PCDHGA7: variants seen among roughly 807,000 people sequenced by gnomAD.
PCDHGA7 encodes protocadherin gamma subfamily A, 7.
A neutral mutation model predicts 58.3 loss-of-function variants in PCDHGA7; 44 were observed. The ratio of observed to expected loss-of-function variants is 0.75; its 90% confidence interval spans 0.59 to 0.97. The LOEUF (loss-of-function observed/expected upper bound fraction) is 0.97. Ranked by LOEUF, PCDHGA7 falls within the 50% of genes least tolerant of loss-of-function variation. The pLI is 0.00. For synonymous variants in PCDHGA7, 516 were observed against 504.2 expected (o/e 1.02, Z -0.31); for missense variants, 1,266 against 1,188.7 (o/e 1.06, Z -0.96).
Position 141,477,283 on chromosome 5 carries a change from C to T in PCDHGA7, c.2425-17524C>T, listed in dbSNP as rs766672047. The T allele has an allele frequency of 9.3e-6, 15 of 1,614,076 alleles. No homozygotes were observed. The highest frequency in any genetic ancestry group is 2.7e-5 in the African/African-American group (2 of 74,924). On this transcript the variant is annotated intron_variant, in intron 1 of 3. Coordinates refer to ENST00000518325, the MANE Select transcript of PCDHGA7 (RefSeq NM_018920.4). The surrounding 1 kb of genome is among the most constrained non-coding windows in gnomAD (Gnocchi z 4.9). ...CTGGCGAGAACGGGCTGGTGACCTG[C>T]GAAGTTCCACCGGGTCTCCCTTTCA... is the stretch of plus-strand genomic sequence containing the variant.
At chr5:141,388,824 T>G (rs760173455) in intron 1 of PCDHGA7, 1 of 1,613,960 alleles carries the variant, frequency 6.2e-7, no homozygotes, top group East Asian at 2.2e-5. Flanking sequence ...CAAAGAATAT[T>G]CCATAGTTTT....
At chr5:141,413,550 A>C (rs2095653911) in intron 1 of PCDHGA7, 1 of 1,613,974 alleles carries the variant, frequency 6.2e-7, no homozygotes, top group Non-Finnish European at 8.5e-7. Context: ...GGATAGAAAT[A>C]GAAGTAACTG....
chr5:141,409,130 G>A, intron 1 of PCDHGA7: 1 of 1,613,994 alleles, frequency 6.2e-7, no homozygotes, highest in South Asian at 1.1e-5. Context: ...ATTTGATTTT[G>A]AAGATGTAGA....
chr5:141,388,477 C>A (rs371333912), intron 1 of PCDHGA7: 34 of 1,613,702 alleles, frequency 2.1e-5, no homozygotes, highest in Non-Finnish European at 2.9e-5. Flanking sequence ...GTATTGAAGA[C>A]ACCTTTGGAC....
Position 141,385,153 on chromosome 5 carries a change from A to T in PCDHGA7, c.2254A>T (p.Thr752Ser). The T allele has an allele frequency of 6.2e-7, 1 of 1,614,128 alleles. No homozygotes were observed. Among genetic ancestry groups the T allele is most frequent in the South Asian group, 1.1e-5 (1 of 91,078 alleles). ...GGACGGGGTGCAGGCTTTCCTGCAG[A>T]CCTATTCCCATGAGGTCTCCCTCAC... ...GMDGVQAFLQ[T>S]YSHEVSLTAD... The change falls in exon 1 of 4, where the codon ACC becomes TCC. Residue 752 changes from threonine (T) to serine (S), a missense_variant. Physicochemically the swap from Thr to Ser is moderately conservative, Grantham distance 58. Transcript: ENST00000518325.
chr5:141,431,460 A>C lies in PCDHGA7; in HGVS notation c.2424+46137A>C, dbSNP rs761879594. On this transcript the variant is annotated intron_variant, in intron 1 of 3. Coordinates refer to ENST00000518325, the MANE Select transcript of PCDHGA7 (RefSeq NM_018920.4). This position sits in a 1 kb window ranked among gnomAD's most constrained non-coding sequence, Gnocchi z 4.8. ...GCGCGCATCCGCGTGATGGTTCTGGATGCGAACGACAACGCACCAGCGTTT... is the reference window on the plus strand; with the variant it reads ...GCGCGCATCCGCGTGATGGTTCTGGCTGCGAACGACAACGCACCAGCGTTT... 8.1e-6 allele frequency: 13 copies of C among 1,613,676 alleles called. No individual in the cohort carries two copies. The highest frequency in any genetic ancestry group is 1.1e-5 in the Non-Finnish European group (13 of 1,179,984).
chr5:141,501,381 T>A (rs1261533671), intron 2 of PCDHGA7, among the ~76,000 whole-genome samples: 4 of 151,750 alleles, frequency 2.6e-5, no homozygotes, highest in African/African-American at 9.7e-5. Flanking sequence ...TCTTAAATCC[T>A]AGGTCCTGTC....
chr5:141,394,864 C>T, intron 1 of PCDHGA7: 4 of 1,613,780 alleles, frequency 2.5e-6, no homozygotes, highest in Non-Finnish European at 3.4e-6. Context: ...TCGGTCGACC[C>T]GAACGATTCG....
chr5:141,394,608 G>A lies in PCDHGA7; in HGVS notation c.2424+9285G>A, dbSNP rs749049825. 15 of 1,613,420 alleles carry A rather than the reference G, an allele frequency of 9.3e-6. No homozygotes were observed. The African/African-American group carries it at 1.9e-4, about 20-fold the overall frequency. ...GGTGGTGGCGGTGGACAGAGACTCGGGCCAGAACGCCTGGCTGTCCTACCG... is the reference window on the plus strand; with the variant it reads ...GGTGGTGGCGGTGGACAGAGACTCGAGCCAGAACGCCTGGCTGTCCTACCG... On this transcript the variant is annotated intron_variant, in intron 1 of 3. Transcript: ENST00000518325.
chr5:141,459,295 A>C (rs571675117), intron 1 of PCDHGA7, among the ~76,000 whole-genome samples: 2 of 152,368 alleles, frequency 1.3e-5, no homozygotes, highest in South Asian at 4.1e-4. Context: ...ATGGAATCCT[A>C]TAACATATAC....
At chr5:141,450,129 C>T (rs1211301953) in intron 1 of PCDHGA7, among the ~76,000 whole-genome samples, 1 of 151,472 alleles carries the variant, frequency 6.6e-6, no homozygotes, top group African/African-American at 2.4e-5. Context: ...GCCTTAGCCT[C>T]CTGAGTAGCT....
intron 2 of PCDHGA7, among the ~76,000 whole-genome samples, chr5:141,503,977 CCTT>C (rs1012021012): frequency 1.3e-5 from 2 of 152,250 alleles, no homozygotes; most frequent in Admixed American, 1.3e-4. Flanking sequence ...GGTGCCAAAC[CCTT>C]CTTCTTACCT....
In PCDHGA7 at chr5:141,511,519, C is replaced by G; in HGVS notation, c.*346C>G. 2.7e-6 allele frequency: 1 copy of G among 367,516 alleles called. No homozygotes were observed. Among genetic ancestry groups the G allele is most frequent in the African/African-American group, 2.1e-5 (1 of 48,286 alleles). 22.8% of individuals were successfully genotyped at this position (367,516 alleles called of 1,614,324 possible). A position where few individuals can be genotyped will look rare whatever the true frequency, so the allele number is the denominator to read the frequency against. ...CCAAATCAATCAGGCCCATCCATCC[C>G]ATGCCTCCCTCCTCCCCACCCCACT... On this transcript the variant is annotated 3_prime_UTR_variant, in exon 4 of 4. Coordinates refer to ENST00000518325, the MANE Select transcript of PCDHGA7 (RefSeq NM_018920.4).
chr5:141,478,100 C>T, intron 1 of PCDHGA7: 1 of 1,614,124 alleles, frequency 6.2e-7, no homozygotes, highest in Non-Finnish European at 8.5e-7. Context: ...CACTGCTACC[C>T]TCACTGTGTC....
intron 1 of PCDHGA7, chr5:141,476,000 T>A (rs2099383773): frequency 1.6e-6 from 2 of 1,225,380 alleles, no homozygotes; most frequent in African/African-American, 1.5e-5. Flanking sequence ...ATCAACGGCA[T>A]CCAGAAAGCC....
Position 141,383,459 on chromosome 5 carries a change from A to G in PCDHGA7, c.560A>G (p.Asp187Gly). ...TCCCTGGCTGTGCAAAGTGGAGACG[A>G]TGAAACTAAGTACCCGGAACTGGTG... ...HFSLAVQSGD[D>G]ETKYPELVLE... The change falls in exon 1 of 4, where the codon GAT becomes GGT. Residue 187 changes from aspartate (D) to glycine (G), a missense_variant. By Grantham distance (94) the Asp-to-Gly change is moderately conservative. Coordinates refer to ENST00000518325, the MANE Select transcript of PCDHGA7 (RefSeq NM_018920.4). 6.2e-7 allele frequency: 1 copy of G among 1,613,900 alleles called. No homozygotes were observed. Among genetic ancestry groups the G allele is most frequent in the Non-Finnish European group, 8.5e-7 (1 of 1,179,852 alleles).
Position 141,490,413 on chromosome 5 carries a change from G to A in PCDHGA7, c.2425-4394G>A, listed in dbSNP as rs2233606. On this transcript the variant is annotated intron_variant, in intron 1 of 3. Transcript: ENST00000518325. The surrounding 1 kb of genome is among the most constrained non-coding windows in gnomAD (Gnocchi z 5.4). ...GTGAAGTGAGCCTTGATATCTCTCC[G>A]GACCTGCCATTTCAGATTAAGCCTT... 2.3e-3 allele frequency: 3,787 copies of A among 1,614,128 alleles called. 38 individuals are homozygous for A. In the African/African-American group the frequency reaches 0.027, roughly 12 times the overall value.
rs1167812243 is a variant in PCDHGA7, at chr5:141,414,179, C to T, written c.2424+28856C>T. ...GATGGAGGAGCATATCTTGCAACTG[C>T]AAAAGTGTTGATTACAGTAGAAGAT... On this transcript the variant is annotated intron_variant, in intron 1 of 3. Transcript: ENST00000518325. 3 of 1,608,128 alleles carry T rather than the reference C, an allele frequency of 1.9e-6. No individual in the cohort carries two copies. In the South Asian group the frequency reaches 3.3e-5, roughly 18 times the overall value.
intron 1 of PCDHGA7, among the ~76,000 whole-genome samples, chr5:141,460,454 T>C (rs1010186960): frequency 6.6e-6 from 1 of 152,194 alleles, no homozygotes; most frequent in Admixed American, 6.6e-5. Context: ...TGAAGATTCA[T>C]ATTTTTTTCC....
Sources: allele counts gnomAD v4.1 joint callset (sites outside exome capture counted in the v4.1 genomes callset), GRCh38; gene constraint gnomAD v4.1.1; non-coding constraint Gnocchi (gnomAD v3.1); transcripts MANE v1.5; gene names NCBI Gene and HGNC (gene_info 2026-07-23, HGNC 2026-07-21).